LCORL: variants seen among roughly 807,000 people sequenced by gnomAD.
LCORL encodes the protein ligand-dependent nuclear receptor corepressor-like protein.
Under a neutral mutation model 141.8 loss-of-function variants are expected in LCORL, and 41 were observed. That is an observed-to-expected ratio of 0.29 (90% CI 0.23 to 0.38). LCORL has a LOEUF of 0.38. Ranked by LOEUF, LCORL falls within the 10% of genes least tolerant of loss-of-function variation. The probability of loss-of-function intolerance (pLI) is 1.00; values close to 1 mark genes in which losing one functional copy is unlikely to be tolerated. For synonymous variants in LCORL, 618 were observed against 694.1 expected (o/e 0.89, Z 1.72); for missense variants, 1,759 against 2,035.0 (o/e 0.86, Z 2.61).
intron 4 of LCORL, among the ~76,000 whole-genome samples, chr4:17,934,043 C>A (rs1402553532): frequency 1.3e-5 from 2 of 152,004 alleles, no homozygotes; most frequent in African/African-American, 2.4e-5. Flanking sequence ...TAAGACTCTT[C>A]CTTTTTATTT....
chr4:17,883,601 G>A (rs1003792852), intron 6 of LCORL: 3 of 1,370,400 alleles, frequency 2.2e-6, no homozygotes, highest in Middle Eastern at 2.7e-4. Flanking sequence ...TCCTGTCAGA[G>A]TGAGCATTTG....
intron 3 of LCORL, 44 bp from the exon 4 acceptor site, chr4:17,962,076 T>C: frequency 2.1e-6 from 3 of 1,410,376 alleles, no homozygotes; most frequent in South Asian, 1.3e-5. Context: ...TATTTTTTAA[T>C]TCAAACATGG....
intron 5 of LCORL, among the ~76,000 whole-genome samples, chr4:17,887,722 A>G (rs548961353): frequency 4.9e-4 from 75 of 152,276 alleles, no homozygotes; most frequent in African/African-American, 1.8e-3. Context: ...TTCTGGGTGG[A>G]AGACTGACAT....
At chr4:17,886,581 G>A (rs928917777) in intron 5 of LCORL, among the ~76,000 whole-genome samples, 2 of 151,942 alleles carry the variant, frequency 1.3e-5, no homozygotes, top group African/African-American at 4.8e-5. Flanking sequence ...ATGAGTAAGA[G>A]AATTGAATAA....
chr4:17,960,698 C>A (rs922790087), intron 4 of LCORL, among the ~76,000 whole-genome samples: 7 of 152,096 alleles, frequency 4.6e-5, no homozygotes, highest in African/African-American at 1.7e-4. Flanking sequence ...TGAAGCAATT[C>A]TCCCACCTCA....
intron 4 of LCORL, among the ~76,000 whole-genome samples, chr4:17,926,684 T>C (rs1406652845): frequency 6.6e-6 from 1 of 152,250 alleles, no homozygotes; most frequent in African/African-American, 2.4e-5. Context: ...CAATACTCCT[T>C]AATAAACTCC....
At chr4:17,933,950 C>T (rs891667644) in intron 4 of LCORL, among the ~76,000 whole-genome samples, 7 of 151,768 alleles carry the variant, frequency 4.6e-5, no homozygotes, top group African/African-American at 1.7e-4. Context: ...TAACAAGATT[C>T]TAAGTAACAG....
intron 5 of LCORL, among the ~76,000 whole-genome samples, chr4:17,894,002 T>C (rs1729504419): frequency 1.3e-5 from 2 of 152,252 alleles, no homozygotes; most frequent in African/African-American, 2.4e-5. Flanking sequence ...TTTCACCATG[T>C]TGGCCAGGCT....
At chr4:17,887,040 G>C (rs1393456817) in intron 5 of LCORL, among the ~76,000 whole-genome samples, 19 of 151,886 alleles carry the variant, frequency 1.3e-4, no homozygotes, top group Admixed American at 6.6e-4. Flanking sequence ...ATTCAACTGG[G>C]CTTAAAAAAT....
intron 1 of LCORL, among the ~76,000 whole-genome samples, chr4:18,010,061 G>A (rs972945223): frequency 5.3e-5 from 8 of 152,206 alleles, no homozygotes; most frequent in African/African-American, 1.9e-4. Context: ...AATAAACTGT[G>A]TAAGCACCTA....
In LCORL at chr4:18,021,735, T is replaced by G; in HGVS notation, c.17A>C (p.Glu6Ala). 1 of 1,520,454 alleles carries G rather than the reference T, an allele frequency of 6.6e-7. No individual in the cohort carries two copies. The highest frequency in any genetic ancestry group is 8.8e-7 in the Non-Finnish European group (1 of 1,134,494). 94.2% of individuals were successfully genotyped at this position (1,520,454 alleles called of 1,614,324 possible). ...AGCGGCGGCGGCAGCGGCCATTCTC[T>G]CTCTTCCCTTGTCCATCTGCGTCCC... The change falls in exon 1 of 8, where the codon GAG (glutamate) becomes GCG (alanine). Residue 6 changes from glutamate (E) to alanine (A), a missense_variant. Transcript: ENST00000635767. This position sits in a 1 kb window ranked among gnomAD's most constrained non-coding sequence, Gnocchi z 5.5.
intron 7 of LCORL, among the ~76,000 whole-genome samples, chr4:17,848,304 G>A (rs1251528129): frequency 1.3e-5 from 2 of 152,306 alleles, no homozygotes; most frequent in East Asian, 3.9e-4. Flanking sequence ...ATCTTAGGAA[G>A]TGCTGGAACC....
chr4:17,875,104 A>T, exon 7 of LCORL: 1 of 1,233,494 alleles, frequency 8.1e-7, no homozygotes, highest in Non-Finnish European at 1.0e-6. Context: ...TGTTGGTCAT[A>T]CTTTTCTTCA....
chr4:17,854,673 A>C (rs1387102613), intron 7 of LCORL, among the ~76,000 whole-genome samples: 2 of 152,090 alleles, frequency 1.3e-5, no homozygotes, highest in Non-Finnish European at 2.9e-5. Flanking sequence ...TTTAGACTGC[A>C]ATTGCTTTTT....
At chr4:17,897,239 T>TA in intron 5 of LCORL, among the ~76,000 whole-genome samples, 1 of 135,918 alleles carries the variant, frequency 7.4e-6, no homozygotes, top group Non-Finnish European at 1.6e-5. Flanking sequence ...TTTTTTTTTT[T>TA]TTTTTTTTTT....
At chr4:17,894,688 C>T (rs192841802) in intron 5 of LCORL, among the ~76,000 whole-genome samples, 8 of 152,120 alleles carry the variant, frequency 5.3e-5, no homozygotes, top group Admixed American at 1.3e-4. Context: ...AGCTTCTGGG[C>T]GACTTTACTA....
chr4:17,915,231 G>A (rs1733210008), intron 4 of LCORL, among the ~76,000 whole-genome samples: 1 of 152,066 alleles, frequency 6.6e-6, no homozygotes, highest in African/African-American at 2.4e-5. Context: ...GAAGAAAGAT[G>A]GAAGCCTCCT....
intron 4 of LCORL, among the ~76,000 whole-genome samples, chr4:17,948,359 C>T (rs1739212030): frequency 6.6e-6 from 1 of 151,928 alleles, no homozygotes; most frequent in Non-Finnish European, 1.5e-5. Context: ...ACATTCATTA[C>T]ACATGTATTG....
intron 4 of LCORL, among the ~76,000 whole-genome samples, chr4:17,919,077 T>C (rs1342331856): frequency 1.3e-5 from 2 of 152,022 alleles, no homozygotes; most frequent in East Asian, 1.9e-4. Context: ...ATATCACTAC[T>C]GATCTTAAAA....
Sources: allele counts gnomAD v4.1 joint callset (sites outside exome capture counted in the v4.1 genomes callset), GRCh38; gene constraint gnomAD v4.1.1; non-coding constraint Gnocchi (gnomAD v3.1); transcripts MANE v1.5; gene names NCBI Gene and HGNC (gene_info 2026-07-23, HGNC 2026-07-21).